Variants in VPS35L observed in about 807,000 individuals in gnomAD.
VPS35L encodes VPS35 endosomal protein-sorting factor-like.
Under a neutral mutation model 133.0 loss-of-function variants are expected in VPS35L, and 83 were observed. The ratio of observed to expected loss-of-function variants is 0.62; its 90% confidence interval spans 0.52 to 0.75. The LOEUF (loss-of-function observed/expected upper bound fraction) is 0.75, where lower values mean the gene tolerates loss of function less well. Ranked by LOEUF, VPS35L falls within the 30% of genes least tolerant of loss-of-function variation. VPS35L has a pLI of 0.00. For missense variants in VPS35L, 1,083 were observed against 1,206.8 expected (o/e 0.90, Z 1.52); for synonymous variants, 423 against 449.9 (o/e 0.94, Z 0.76).
At chr16:19,596,016 C>T (rs1972203850) in intron 8 of VPS35L, among the ~76,000 whole-genome samples, 1 of 151,880 alleles carries the variant, frequency 6.6e-6, no homozygotes, top group Non-Finnish European at 1.5e-5. Context: ...TGGTGGTGGG[C>T]ACCTGTAGTC....
chr16:19,588,014 G>T (rs1971925689), intron 7 of VPS35L, among the ~76,000 whole-genome samples: 2 of 151,570 alleles, frequency 1.3e-5, no homozygotes, highest in Non-Finnish European at 2.9e-5. Context: ...TGGCCAGGGT[G>T]GTCTCGAACT....
At chr16:19,563,714 T>C (rs1013142936) in intron 1 of VPS35L, among the ~76,000 whole-genome samples, 14 of 152,352 alleles carry the variant, frequency 9.2e-5, no homozygotes, top group African/African-American at 3.4e-4. Context: ...GAGCTCTTCA[T>C]CTCCTTTCTG....
intron 1 of VPS35L, among the ~76,000 whole-genome samples, chr16:19,558,649 G>A (rs1019415236): frequency 5.9e-5 from 9 of 152,296 alleles, no homozygotes; most frequent in East Asian, 1.9e-4. Context: ...GACCGGGCAA[G>A]GTGGTTCATG....
intron 19 of VPS35L, among the ~76,000 whole-genome samples, chr16:19,635,770 A>G (rs1450579553): frequency 6.6e-6 from 1 of 152,238 alleles, no homozygotes; most frequent in African/African-American, 2.4e-5. Context: ...TGTTTTGCAT[A>G]GAGACAACCA....
intron 28 of VPS35L, among the ~76,000 whole-genome samples, chr16:19,688,645 GCTCTCCCTTTAGC>G (rs1419724992): frequency 6.6e-6 from 1 of 152,176 alleles, no homozygotes; most frequent in African/African-American, 2.4e-5. Flanking sequence ...TGGCTCCAGA[GCTCTCCCTTTAGC>G]CTGGGGGTTC....
At chr16:19,615,528 T>C (rs1294910646) in intron 12 of VPS35L, among the ~76,000 whole-genome samples, 1 of 152,158 alleles carries the variant, frequency 6.6e-6, no homozygotes, top group Non-Finnish European at 1.5e-5. Context: ...CACATGCCTG[T>C]AATCCCTGCT....
chr16:19,662,320 C>T (rs552442848), intron 26 of VPS35L, among the ~76,000 whole-genome samples: 1 of 151,796 alleles, frequency 6.6e-6, no homozygotes, highest in South Asian at 2.1e-4. Context: ...GCCTGGCCAA[C>T]ATGGTGAAAT....
chr16:19,562,735 C>T (rs1971066071), intron 1 of VPS35L, among the ~76,000 whole-genome samples: 1 of 152,054 alleles, frequency 6.6e-6, no homozygotes, highest in Non-Finnish European at 1.5e-5. Context: ...TCCCCCCACT[C>T]CTGTGTTCCT....
intron 19 of VPS35L, among the ~76,000 whole-genome samples, chr16:19,636,200 TAAAAC>T (rs894229767): frequency 1.3e-5 from 2 of 151,998 alleles, no homozygotes; most frequent in African/African-American, 2.4e-5. Context: ...AAAATAATAA[TAAAAC>T]AAATAATAAT....
At chr16:19,581,751 T>G in intron 7 of VPS35L, 98 bp downstream of exon 7, 6 of 1,360,960 alleles carry the variant, frequency 4.4e-6, no homozygotes, top group Non-Finnish European at 5.1e-6. Flanking sequence ...AGGGTCTTAC[T>G]CTTGTTTTCT....
intron 29 of VPS35L, among the ~76,000 whole-genome samples, chr16:19,692,256 C>T (rs117371680): frequency 0.026 from 3,933 of 152,246 alleles, 108 homozygotes; most frequent in Admixed American, 0.069. Context: ...CTCTCTGCAC[C>T]ACCCCACGTC....
rs1973736049 is a variant in VPS35L, at chr16:19,639,953, A to G, written c.1699-62A>G. ...TTGAACTCCACAGAAAAAGAGACCC[A>G]CAGATTCCTTCCTTCCAATAACTTG... On this transcript the variant is annotated intron_variant, in intron 20 of 30. Coordinates refer to ENST00000417362, the MANE Select transcript of VPS35L (RefSeq NM_020314.7). The surrounding 1 kb of genome is among the most constrained non-coding windows in gnomAD (Gnocchi z 4.1). 2 of 1,429,506 alleles carry G rather than the reference A, an allele frequency of 1.4e-6. No homozygotes were observed. The highest frequency in any genetic ancestry group is 2.0e-6 in the Non-Finnish European group (2 of 1,019,322). 88.6% of individuals were successfully genotyped at this position (1,429,506 alleles called of 1,614,324 possible). A position where few individuals can be genotyped will look rare whatever the true frequency, so the allele number is the denominator to read the frequency against.
chr16:19,680,569 T>C (rs1975236341), intron 27 of VPS35L, among the ~76,000 whole-genome samples: 1 of 152,114 alleles, frequency 6.6e-6, no homozygotes, highest in South Asian at 2.1e-4. Flanking sequence ...GGGCAGGTCA[T>C]TGAAGGAATA....
rs373481277 is a variant in VPS35L at position 19,610,459 on chromosome 16, C to T, written c.1023+44C>T. 2.5e-4 allele frequency: 378 copies of T among 1,506,536 alleles called. No homozygotes were observed. The Middle Eastern group carries it at 4.5e-3, about 18-fold the overall frequency. The allele number at this position is 1,506,536 out of a possible 1,614,324, so 93.3% of individuals were successfully genotyped here. A position where few individuals can be genotyped will look rare whatever the true frequency, so the allele number is the denominator to read the frequency against. ...TGCCCTTGACGGCACGGCTGCCACCCGTCTCCTTGAATGTTCACACAGGGC... is the reference window on the plus strand; with the variant it reads ...TGCCCTTGACGGCACGGCTGCCACCTGTCTCCTTGAATGTTCACACAGGGC... On this transcript the variant is annotated intron_variant, in intron 12 of 30. Coordinates refer to ENST00000417362, the MANE Select transcript of VPS35L (RefSeq NM_020314.7).
At chr16:19,558,936 A>C (rs994547179) in intron 1 of VPS35L, among the ~76,000 whole-genome samples, 11 of 151,828 alleles carry the variant, frequency 7.2e-5, no homozygotes, top group Admixed American at 6.6e-5. Context: ...AAAAAAAAAA[A>C]AACAACCCTT....
At chr16:19,659,684 T>A (rs900574717) in intron 26 of VPS35L, among the ~76,000 whole-genome samples, 21 of 152,136 alleles carry the variant, frequency 1.4e-4, no homozygotes, top group African/African-American at 4.6e-4. Flanking sequence ...TAGTGGTAAA[T>A]CTCTATCAGT....
At chr16:19,682,486 T>C in intron 28 of VPS35L, 96 bp downstream of exon 28, 1 of 1,343,008 alleles carries the variant, frequency 7.4e-7, no homozygotes, top group African/African-American at 1.5e-5. Flanking sequence ...TCCTCCCTTG[T>C]ATTTTAGCTT....
chr16:19,675,382 A>G (rs1975030349), intron 27 of VPS35L, among the ~76,000 whole-genome samples: 1 of 151,924 alleles, frequency 6.6e-6, no homozygotes, highest in East Asian at 1.9e-4. Context: ...GTCAATGGAC[A>G]TATAGATTGT....
chr16:19,686,095 T>G (rs1975449354), intron 28 of VPS35L, among the ~76,000 whole-genome samples: 1 of 152,202 alleles, frequency 6.6e-6, no homozygotes, highest in South Asian at 2.1e-4. Context: ...TTTCTTCTTC[T>G]TAGTCCAGCT....
Sources: gnomAD v4.1 joint callset for allele counts (sites outside exome capture counted in the v4.1 genomes callset) on GRCh38, gnomAD v4.1.1 for gene constraint, Gnocchi (gnomAD v3.1) non-coding constraint, MANE v1.5 for transcripts, NCBI Gene and HGNC (gene_info 2026-07-23, HGNC 2026-07-21) for gene names.